DACH2: variants seen among roughly 807,000 people sequenced by gnomAD.
DACH2 encodes the protein dachshund family transcription factor 2.
A neutral mutation model predicts 35.8 loss-of-function variants in DACH2; 17 were observed. The observed-to-expected ratio is 0.48, with a 90% confidence interval of 0.33 to 0.71. The LOEUF is 0.71. Ranked by LOEUF, DACH2 falls within the 30% of genes least tolerant of loss-of-function variation. The probability of loss-of-function intolerance (pLI) is 0.02; values close to 1 mark genes in which losing one functional copy is unlikely to be tolerated. For missense variants in DACH2, 469 were observed against 472.7 expected (o/e 0.99, Z 0.07); for synonymous variants, 195 against 177.3 (o/e 1.10, Z -0.79).
chrX:86,829,152 T>C (rs905508354), intron 11 of DACH2: 1 of 112,110 alleles, frequency 8.9e-6, no homozygotes, highest in Non-Finnish European at 1.9e-5. Context: ...TTCTAAAGCA[T>C]AAGCATTTGG....
intron 3 of DACH2, among the ~76,000 whole-genome samples, chrX:86,536,344 G>A (rs1210352678): frequency 1.9e-5 from 2 of 107,842 alleles, no homozygotes; most frequent in Non-Finnish European, 3.9e-5. Context: ...TTTCCTGAAG[G>A]AAATCAAAGT....
At chrX:86,539,503 C>T (rs1375740236) in intron 3 of DACH2, among the ~76,000 whole-genome samples, 1 of 111,396 alleles carries the variant, frequency 9.0e-6, no homozygotes, top group African/African-American at 3.3e-5. Context: ...AGGGTATTAC[C>T]TTCCCATTTT....
intron 3 of DACH2, among the ~76,000 whole-genome samples, chrX:86,523,524 A>G (rs2038588463): frequency 8.9e-6 from 1 of 111,799 alleles, no homozygotes; most frequent in Non-Finnish European, 1.9e-5. Flanking sequence ...TAATTGACAT[A>G]AAGACAATCA....
At chrX:86,505,891 T>C (rs968195194) in intron 2 of DACH2, among the ~76,000 whole-genome samples, 2 of 112,192 alleles carry the variant, frequency 1.8e-5, no homozygotes, top group African/African-American at 6.5e-5. Flanking sequence ...AACATGGTTA[T>C]AATGATCAAA....
intron 1 of DACH2, among the ~76,000 whole-genome samples, chrX:86,182,457 G>T (rs2031526251): frequency 8.9e-6 from 1 of 111,830 alleles, no homozygotes; most frequent in Admixed American, 9.5e-5. Flanking sequence ...TTTCCCCATT[G>T]CTTGTTTTTG....
chrX:86,151,259 A>G (rs1423530659), intron 1 of DACH2, among the ~76,000 whole-genome samples: 2 of 111,425 alleles, frequency 1.8e-5, no homozygotes, highest in Non-Finnish European at 3.8e-5. Context: ...CAGCAATAGT[A>G]ACTTTTCATG....
chrX:86,238,718 G>A (rs772198799), intron 1 of DACH2, among the ~76,000 whole-genome samples: 13 of 110,469 alleles, frequency 1.2e-4, no homozygotes, highest in Non-Finnish European at 2.1e-4. Flanking sequence ...TATAATGAAT[G>A]TGTGTCCCTA....
intron 2 of DACH2, among the ~76,000 whole-genome samples, chrX:86,484,254 G>A (rs1002714931): frequency 7.2e-5 from 8 of 111,725 alleles, no homozygotes; most frequent in African/African-American, 2.6e-4. Flanking sequence ...TGATTTAGCT[G>A]AATAGAATCT....
intron 2 of DACH2, among the ~76,000 whole-genome samples, chrX:86,505,594 G>A (rs1405325506): frequency 1.8e-5 from 2 of 108,262 alleles, no homozygotes; most frequent in African/African-American, 6.8e-5. Context: ...TTTCATCTAT[G>A]TTGTAGCATG....
intron 2 of DACH2, among the ~76,000 whole-genome samples, chrX:86,497,368 T>C (rs1450080546): frequency 4.5e-5 from 5 of 112,003 alleles, no homozygotes; most frequent in Non-Finnish European, 9.4e-5. Flanking sequence ...GTATGCAAGC[T>C]AATCCATGTC....
intron 3 of DACH2, among the ~76,000 whole-genome samples, chrX:86,650,706 T>C (rs2040468201): frequency 9.0e-6 from 1 of 111,567 alleles, no homozygotes; most frequent in East Asian, 2.8e-4. Flanking sequence ...GGATCAGATA[T>C]ATATTTAATA....
At chrX:86,598,747 T>C (rs1038276082) in intron 3 of DACH2, among the ~76,000 whole-genome samples, 1 of 110,113 alleles carries the variant, frequency 9.1e-6, no homozygotes, top group African/African-American at 3.3e-5. Flanking sequence ...CTTCCCACAC[T>C]GTTCCAAAAA....
At chrX:86,397,972 C>T (rs759133066) in intron 2 of DACH2, among the ~76,000 whole-genome samples, 122 of 111,826 alleles carry the variant, frequency 1.1e-3, no homozygotes, top group Non-Finnish European at 1.9e-3. Context: ...ATGGTACCAG[C>T]TCCTCCTTTT....
Position 86,513,047 on chromosome X carries a change from A to G in DACH2, c.528-1232A>G, listed in dbSNP as rs765507459. On this transcript the variant is annotated intron_variant, in intron 2 of 11. Coordinates refer to ENST00000373125, the MANE Select transcript of DACH2 (RefSeq NM_053281.3). ...AAAATAACACTAGCACAGTGTATGAAAAATGAACTGGGTAACGATACCTCC... is the reference window on the plus strand; with the variant it reads ...AAAATAACACTAGCACAGTGTATGAGAAATGAACTGGGTAACGATACCTCC... The G allele has an allele frequency of 1.3e-5, 3 of 226,870 alleles. No homozygotes were observed. The South Asian group carries it at 1.7e-4, about 13-fold the overall frequency. 18.7% of individuals were successfully genotyped at this position (226,870 alleles called of 1,213,427 possible).
At chrX:86,691,952 A>G (rs1373706490) in intron 4 of DACH2, among the ~76,000 whole-genome samples, 1 of 111,907 alleles carries the variant, frequency 8.9e-6, no homozygotes, top group African/African-American at 3.2e-5. Context: ...GTATTACTGC[A>G]TCTTGACAAA....
At chrX:86,517,471 C>T (rs149067664) in intron 3 of DACH2, among the ~76,000 whole-genome samples, 6,404 of 102,575 alleles carry the variant, frequency 0.062, 612 homozygotes, top group African/African-American at 0.22. Context: ...GGCTGGAGTG[C>T]AGTGGTGCAA....
intron 1 of DACH2, among the ~76,000 whole-genome samples, chrX:86,215,498 G>C (rs2032548688): frequency 9.0e-6 from 1 of 111,639 alleles, no homozygotes; most frequent in Admixed American, 9.5e-5. Context: ...GGTTCTTTTT[G>C]AATAGGTAAT....
intron 1 of DACH2, among the ~76,000 whole-genome samples, chrX:86,280,665 TA>T (rs755442950): frequency 8.9e-6 from 1 of 112,085 alleles, no homozygotes; most frequent in Non-Finnish European, 1.9e-5. Context: ...GCAAATTGGA[TA>T]AAGAGTCATG....
At chrX:86,157,800 GTATT>G (rs753944420) in intron 1 of DACH2, among the ~76,000 whole-genome samples, 2 of 111,412 alleles carry the variant, frequency 1.8e-5, no homozygotes, top group East Asian at 5.6e-4. Flanking sequence ...TTTACGAACA[GTATT>G]TAGAAAAATT....
Sources: gnomAD v4.1 joint callset for allele counts (sites outside exome capture counted in the v4.1 genomes callset) on GRCh38, gnomAD v4.1.1 for gene constraint, MANE v1.5 for transcripts, NCBI Gene and HGNC (gene_info 2026-07-23, HGNC 2026-07-21) for gene names.